The following USP4 variants were observed in gnomAD, a reference collection of about 807,000 sequenced individuals.
USP4 encodes the protein ubiquitin carboxyl-terminal hydrolase 4.
USP4 carries 72 observed loss-of-function variants against 118.2 expected under a neutral mutation model. The observed-to-expected ratio is 0.61, with a 90% CI of 0.50 to 0.74. USP4 has a LOEUF of 0.74. USP4 is among the 30% of genes least tolerant of loss of function. USP4 has a pLI of 0.00. For synonymous variants in USP4, 415 were observed against 440.4 expected (o/e 0.94, Z 0.72); for missense variants, 1,037 against 1,185.7 (o/e 0.87, Z 1.84).
At chr3:49,329,164 G>A (rs1471148189) in intron 2 of USP4, among the ~76,000 whole-genome samples, 1 of 151,978 alleles carries the variant, frequency 6.6e-6, no homozygotes, top group Non-Finnish European at 1.5e-5. Flanking sequence ...GTGACACAGC[G>A]AAACTCCATC....
chr3:49,278,600 C>A, intron 21 of USP4, 149 bp from the exon 22 acceptor site: 1 of 1,045,950 alleles, frequency 9.6e-7, no homozygotes, highest in African/African-American at 1.6e-5. Flanking sequence ...CCCTGCCAGG[C>A]AGCAGGAAAT....
intron 19 of USP4, among the ~76,000 whole-genome samples, chr3:49,281,605 T>C (rs963279137): frequency 8.0e-5 from 12 of 149,582 alleles, no homozygotes; most frequent in Non-Finnish European, 8.9e-5. Context: ...TCCTAGCTAC[T>C]TGGGAGGCTG....
chr3:49,321,938 G>A (rs1474786238), intron 6 of USP4, among the ~76,000 whole-genome samples: 1 of 151,994 alleles, frequency 6.6e-6, no homozygotes, highest in Non-Finnish European at 1.5e-5. Context: ...AGGTTACAGT[G>A]AACCGAGATC....
In USP4 at chr3:49,289,115, C is replaced by A. The variant is rs550875211; in HGVS notation, c.1973-2790G>T. 7.9e-5 allele frequency among the ~76,000 whole-genome samples: 12 copies of A among 151,956 alleles called. No homozygotes were observed. The South Asian group carries it at 1.9e-3, about 24-fold the overall frequency. On this transcript the variant is annotated intron_variant, in intron 15 of 21. Coordinates refer to ENST00000265560, the MANE Select transcript of USP4 (RefSeq NM_003363.4). Reference sequence around the variant, plus strand: ...GACAGAGCAAAAGAAAACAAACAAACAAAAAAACCTTTGTGCTTAAACAAG... The same window carrying A: ...GACAGAGCAAAAGAAAACAAACAAAAAAAAAAACCTTTGTGCTTAAACAAG...
At chr3:49,299,065 G>A (rs1365345124) in intron 11 of USP4, among the ~76,000 whole-genome samples, 1 of 151,976 alleles carries the variant, frequency 6.6e-6, no homozygotes, top group Non-Finnish European at 1.5e-5. Flanking sequence ...TGGCCACCAA[G>A]CCCGGCCTCA....
intron 1 of USP4, among the ~76,000 whole-genome samples, chr3:49,338,772 T>C (rs1039111461): frequency 3.9e-5 from 6 of 152,170 alleles, no homozygotes; most frequent in African/African-American, 1.4e-4. Context: ...TAAGCTGTTA[T>C]CTGTACTCCT....
intron 13 of USP4, among the ~76,000 whole-genome samples, chr3:49,296,036 A>G (rs2047204511): frequency 6.6e-6 from 1 of 152,204 alleles, no homozygotes; most frequent in Admixed American, 6.6e-5. Flanking sequence ...ACACATTAAA[A>G]AGTAGCAGAT....
At chr3:49,305,929 C>G in intron 8 of USP4, 41 bp from the exon 9 acceptor site, 6 of 1,570,848 alleles carry the variant, frequency 3.8e-6, no homozygotes, top group Non-Finnish European at 5.2e-6. Flanking sequence ...ACCTTCTAGA[C>G]AGTACCAGAG....
intron 15 of USP4, among the ~76,000 whole-genome samples, chr3:49,291,573 CAAAAA>C (rs768383989): frequency 2.1e-5 from 1 of 46,938 alleles, no homozygotes; most frequent in African/African-American, 6.7e-5. Flanking sequence ...GATTCCGTCT[CAAAAA>C]AAAAAAAAAA....
In USP4 at chr3:49,277,822, G is replaced by A. The variant is rs1360914883; in HGVS notation, c.*471C>T. On this transcript the variant is annotated 3_prime_UTR_variant, in exon 22 of 22. Coordinates refer to ENST00000265560, the MANE Select transcript of USP4 (RefSeq NM_003363.4). ...TTCAGAAAATTATAAACCCATATCA[G>A]TGCACATAGCGAGGGAAAGGGGAGT... 1.9e-5 allele frequency: 5 copies of A among 257,898 alleles called. No homozygotes were observed. The East Asian group carries it at 2.1e-4, about 11-fold the overall frequency. The allele number at this position is 257,898 out of a possible 1,614,324, so 16.0% of individuals were successfully genotyped here.
At chr3:49,303,806 G>T (rs1208183835) in intron 9 of USP4, among the ~76,000 whole-genome samples, 1 of 151,716 alleles carries the variant, frequency 6.6e-6, no homozygotes, top group Non-Finnish European at 1.5e-5. Flanking sequence ...AGGCTGGAGT[G>T]CAGTGGCGCA....
chr3:49,284,526 G>A lies in USP4; in HGVS notation c.2330C>T (p.Ala777Val). 1.2e-6 allele frequency: 2 copies of A among 1,614,108 alleles called. No homozygotes were observed. Among genetic ancestry groups the A allele is most frequent in the Non-Finnish European group, 1.7e-6 (2 of 1,180,026 alleles). Residue 777 changes from alanine to valine, a missense_variant, in exon 18 of 22, where the codon GCC becomes GTC. By Grantham distance (64) the Ala-to-Val change is moderately conservative. Coordinates refer to ENST00000265560, the MANE Select transcript of USP4 (RefSeq NM_003363.4). ...GAAGAGCTCGATGCAGTCTCTCAGG[G>A]CCACTGTGGTCTTCTTCTTCTTCTG... ...QPQKKKKTTVALRDCIELFTT... is the reference protein window; with the variant it reads ...QPQKKKKTTVVLRDCIELFTT...
intron 15 of USP4, among the ~76,000 whole-genome samples, chr3:49,290,244 G>A (rs1285917484): frequency 7.2e-5 from 11 of 152,162 alleles, no homozygotes; most frequent in East Asian, 1.9e-4. Flanking sequence ...GAGACACCCC[G>A]TCTCTACTAA....
At chr3:49,281,123 C>T (rs997213083) in intron 19 of USP4, among the ~76,000 whole-genome samples, 2 of 151,954 alleles carry the variant, frequency 1.3e-5, no homozygotes, top group East Asian at 1.9e-4. Flanking sequence ...GAGTTCGAGA[C>T]GAGCCCGACC....
chr3:49,305,499 C>T (rs1406721437), intron 9 of USP4, among the ~76,000 whole-genome samples: 6 of 151,432 alleles, frequency 4.0e-5, no homozygotes, highest in African/African-American at 1.5e-4. Context: ...AATCTGAAAT[C>T]CAAATGCTTA....
rs1420161386 is a variant in USP4 at position 49,335,336 on chromosome 3, T to C, written c.229+133A>G. The stretch of plus-strand genomic sequence containing the variant: ...TAAGGGTTTGCAAAGACTTCTGCTA[T>C]AGATGCAAAATGAGGATACTTGTTT... On this transcript the variant is annotated intron_variant, in intron 2 of 21. Coordinates refer to ENST00000265560, the MANE Select transcript of USP4 (RefSeq NM_003363.4). The C allele has an allele frequency of 5.5e-6, 7 of 1,272,378 alleles. No individual in the cohort carries two copies. The Admixed American group carries it at 7.0e-5, about 13-fold the overall frequency. 78.8% of individuals were successfully genotyped at this position (1,272,378 alleles called of 1,614,324 possible). A position where few individuals can be genotyped will look rare whatever the true frequency, so the allele number is the denominator to read the frequency against.
At position 49,311,715 on chromosome 3, in the gene USP4, T is replaced by C. The variant is rs2047384923; in HGVS notation, c.696-61A>G. 8.2e-6 allele frequency: 13 copies of C among 1,576,654 alleles called. No individual in the cohort carries two copies. In the South Asian group the frequency reaches 9.3e-5, roughly 11 times the overall value. ...TTTGCAAAGAGCAAGCCCTATTTAA[T>C]GCCTTAGGTTGCTTCTCAAGGAATA... is the stretch of plus-strand genomic sequence containing the variant. On this transcript the variant is annotated intron_variant, in intron 6 of 21. Coordinates refer to ENST00000265560, the MANE Select transcript of USP4 (RefSeq NM_003363.4).
chr3:49,336,589 A>C (rs528819574), intron 1 of USP4, among the ~76,000 whole-genome samples: 5 of 149,588 alleles, frequency 3.3e-5, no homozygotes, highest in African/African-American at 1.2e-4. Context: ...CAATGGTGTG[A>C]TCTCGGCTCT....
At chr3:49,298,029 A>G (rs2047227351) in intron 12 of USP4, 65 bp from the exon 13 acceptor site, 2 of 1,047,858 alleles carry the variant, frequency 1.9e-6, no homozygotes, top group South Asian at 2.6e-5. Flanking sequence ...ACTGCTTAAA[A>G]CCCAGAAACA....
Sources: allele counts gnomAD v4.1 joint callset (sites outside exome capture counted in the v4.1 genomes callset), GRCh38; gene constraint gnomAD v4.1.1; transcripts MANE v1.5; gene names NCBI Gene and HGNC (gene_info 2026-07-23, HGNC 2026-07-21).